The following SYT10 variants were observed in gnomAD, a reference collection of about 807,000 sequenced individuals.
SYT10 encodes the protein synaptotagmin-10.
A neutral mutation model predicts 51.1 loss-of-function variants in SYT10; 31 were observed. That is an observed-to-expected ratio of 0.61 (90% confidence interval 0.46 to 0.82). The LOEUF is 0.82. Ranked by LOEUF, SYT10 falls within the 40% of genes least tolerant of loss-of-function variation. The pLI, the probability that SYT10 is intolerant of heterozygous loss-of-function variation, is 0.00. For missense variants in SYT10, 603 were observed against 634.0 expected, an observed-to-expected ratio of 0.95 and a Z score of 0.53; for synonymous variants, 233 against 225.9, an observed-to-expected ratio of 1.03 and a Z score of -0.28.
At chr12:33,402,850 G>A (rs1444468586) in intron 3 of SYT10, among the ~76,000 whole-genome samples, 11 of 151,968 alleles carry the variant, frequency 7.2e-5, no homozygotes, top group Non-Finnish European at 1.0e-4. Context: ...CACAAAAGCC[G>A]CTGGTCTGAT....
intron 3 of SYT10, among the ~76,000 whole-genome samples, chr12:33,386,281 T>C (rs60908565): frequency 0.011 from 1,692 of 152,276 alleles, 27 homozygotes; most frequent in African/African-American, 0.037. Flanking sequence ...TCTGTCCACA[T>C]TTAAATATGT....
At chr12:33,398,575 A>G (rs1406311519) in intron 3 of SYT10, among the ~76,000 whole-genome samples, 1 of 152,174 alleles carries the variant, frequency 6.6e-6, no homozygotes, top group Admixed American at 6.6e-5. Context: ...CACAGTAACT[A>G]AAAAGAATTA....
At chr12:33,381,360 C>T (rs1407596516) in intron 5 of SYT10, among the ~76,000 whole-genome samples, 1 of 152,024 alleles carries the variant, frequency 6.6e-6, no homozygotes, top group Non-Finnish European at 1.5e-5. Flanking sequence ...GGTGATGATA[C>T]TATAAAATGG....
intron 2 of SYT10, among the ~76,000 whole-genome samples, chr12:33,415,930 C>A (rs1358409061): frequency 6.6e-6 from 1 of 152,140 alleles, no homozygotes; most frequent in Non-Finnish European, 1.5e-5. Flanking sequence ...CACCTTATTA[C>A]CTGGTAGAAA....
intron 3 of SYT10, chr12:33,405,603 T>C (rs1469745178): frequency 1.3e-5 from 2 of 152,164 alleles, no homozygotes; most frequent in Middle Eastern, 6.8e-3. Flanking sequence ...AAAACATTCA[T>C]AAATGGAAAA....
At position 33,389,495 on chromosome 12, in the gene SYT10, T is replaced by G. The variant is rs188670436; in HGVS notation, c.1078-4204A>C. Among the ~76,000 whole-genome samples, 36 of 152,206 alleles carry G rather than the reference T, an allele frequency of 2.4e-4. No homozygotes were observed. In the Middle Eastern group the frequency reaches 0.01, roughly 43 times the overall value. ...ATGAAAATAATATTTGAAAAAAAAT[T>G]TCTTTATCTTGAGTAGGCTAGATTA... is the stretch of plus-strand genomic sequence containing the variant. On this transcript the variant is annotated intron_variant, in intron 3 of 6. Coordinates refer to ENST00000228567, the MANE Select transcript of SYT10 (RefSeq NM_198992.4).
At chr12:33,408,399 T>C (rs1866377627) in intron 2 of SYT10, 1 of 152,190 alleles carries the variant, frequency 6.6e-6, no homozygotes, top group Admixed American at 6.5e-5. Context: ...GAATTTCCTA[T>C]AGTCACTATT....
At chr12:33,403,326 A>T (rs1389324119) in intron 3 of SYT10, among the ~76,000 whole-genome samples, 1 of 147,950 alleles carries the variant, frequency 6.8e-6, no homozygotes, top group Non-Finnish European at 1.5e-5. Context: ...TCCACCTCCT[A>T]GTTCAAGTGA....
chr12:33,389,139 A>G (rs1866182469), intron 3 of SYT10, among the ~76,000 whole-genome samples: 1 of 152,196 alleles, frequency 6.6e-6, no homozygotes, highest in Non-Finnish European at 1.5e-5. Context: ...GTCAGTACGC[A>G]TTGAGAAATA....
intron 3 of SYT10, among the ~76,000 whole-genome samples, chr12:33,392,179 G>A (rs1302518814): frequency 6.6e-6 from 1 of 152,138 alleles, no homozygotes; most frequent in East Asian, 1.9e-4. Flanking sequence ...GATTATGTTT[G>A]CTGTAATTCT....
At chr12:33,410,843 A>C (rs991910884) in intron 2 of SYT10, among the ~76,000 whole-genome samples, 21 of 152,316 alleles carry the variant, frequency 1.4e-4, no homozygotes, top group Admixed American at 1.2e-3. Context: ...GATGGGAAAA[A>C]ATACAGAAAT....
intron 2 of SYT10, among the ~76,000 whole-genome samples, chr12:33,414,710 G>A (rs1265957748): frequency 2.6e-5 from 4 of 152,114 alleles, no homozygotes; most frequent in Admixed American, 6.6e-5. Context: ...AGCATTAAAT[G>A]CCCACAAGAG....
intron 1 of SYT10, among the ~76,000 whole-genome samples, chr12:33,427,585 A>C (rs987547276): frequency 6.6e-6 from 1 of 152,190 alleles, no homozygotes; most frequent in Non-Finnish European, 1.5e-5. Flanking sequence ...GATTAAGTAG[A>C]ATTTTATCCT....
Position 33,382,211 on chromosome 12 carries a change from A to G in SYT10, c.1370+138T>C, listed in dbSNP as rs920196761. On this transcript the variant is annotated intron_variant, in intron 5 of 6. Coordinates refer to ENST00000228567, the MANE Select transcript of SYT10 (RefSeq NM_198992.4). ...ATCCAGAACTATAACACAGAAAACAATGAATTTTCAAGGAATCATTATTCC... is the reference window on the plus strand; with the variant it reads ...ATCCAGAACTATAACACAGAAAACAGTGAATTTTCAAGGAATCATTATTCC... The G allele has an allele frequency of 2.0e-5, 17 of 851,098 alleles. No individual in the cohort carries two copies. In the African/African-American group the frequency reaches 2.6e-4, roughly 13 times the overall value. The allele number at this position is 851,098 out of a possible 1,614,324, so 52.7% of individuals were successfully genotyped here. A position where few individuals can be genotyped will look rare whatever the true frequency, so the allele number is the denominator to read the frequency against.
chr12:33,423,874 A>C, intron 2 of SYT10: 2 of 444,024 alleles, frequency 4.5e-6, no homozygotes, highest in Non-Finnish European at 9.0e-6. Context: ...GGTTTCAGTT[A>C]ACTCACATGT....
chr12:33,400,588 A>T (rs1565493920), intron 3 of SYT10, among the ~76,000 whole-genome samples: 3 of 102,118 alleles, frequency 2.9e-5, no homozygotes, highest in Admixed American at 9.4e-5. Flanking sequence ...CAAAAAAAAA[A>T]ATTTCATTGA....
At chr12:33,422,028 A>G (rs556729948) in intron 2 of SYT10, among the ~76,000 whole-genome samples, 165 of 152,192 alleles carry the variant, frequency 1.1e-3, no homozygotes, top group African/African-American at 3.9e-3. Flanking sequence ...GATTCTTTCA[A>G]TTCAGTAAGT....
intron 2 of SYT10, among the ~76,000 whole-genome samples, chr12:33,425,932 T>TTC (rs1446686823): frequency 6.6e-6 from 1 of 151,966 alleles, no homozygotes; most frequent in Non-Finnish European, 1.5e-5. Flanking sequence ...TGTCCTTAGT[T>TTC]TCTCTCTCTC....
chr12:33,379,783 A>G, intron 6 of SYT10, 49 bp downstream of exon 6: 1 of 1,604,394 alleles, frequency 6.2e-7, no homozygotes, highest in South Asian at 1.1e-5. Flanking sequence ...ATAATATTTA[A>G]GCAAAAGAGA....
Sources: gnomAD v4.1 joint callset for allele counts (sites outside exome capture counted in the v4.1 genomes callset) on GRCh38, gnomAD v4.1.1 for gene constraint, MANE v1.5 for transcripts, NCBI Gene and HGNC (gene_info 2026-07-23, HGNC 2026-07-21) for gene names.